The following NEDD4L variants were observed in gnomAD, a reference collection of about 807,000 sequenced individuals.
NEDD4L encodes NEDD4 like E3 ubiquitin protein ligase.
Under a neutral mutation model 148.9 loss-of-function variants are expected in NEDD4L, and 54 were observed. That is an observed-to-expected ratio of 0.36 (90% CI 0.29 to 0.45). The LOEUF (loss-of-function observed/expected upper bound fraction) is 0.45. Among genes scored for constraint, NEDD4L ranks in the 20% least tolerant of loss-of-function variants. The probability of loss-of-function intolerance (pLI) is 1.00; values close to 1 mark genes in which losing one functional copy is unlikely to be tolerated. For missense variants in NEDD4L, 856 were observed against 1,233.8 expected (o/e 0.69, Z 4.59); for synonymous variants, 433 against 440.7 (o/e 0.98, Z 0.22).
At chr18:58,252,121 T>G in intron 5 of NEDD4L, 67 bp downstream of exon 5, 1 of 999,902 alleles carries the variant, frequency 1.0e-6, no homozygotes, top group South Asian at 1.3e-5. Flanking sequence ...GAGCAGCGTC[T>G]TTAAAACTCT....
Position 58,366,666 on chromosome 18 carries a change from A to G in NEDD4L, c.2063+438A>G, listed in dbSNP as rs2046148333. The G allele has an allele frequency of 6.5e-6, 1 of 153,964 alleles. No homozygotes were observed. Among genetic ancestry groups the G allele is most frequent in the Admixed American group, 6.5e-5 (1 of 15,328 alleles). 9.5% of individuals were successfully genotyped at this position (153,964 alleles called of 1,614,324 possible). A position where few individuals can be genotyped will look rare whatever the true frequency, so the allele number is the denominator to read the frequency against. On this transcript the variant is annotated intron_variant, in intron 21 of 30. Transcript: ENST00000400345. The surrounding 1 kb of genome is among the most constrained non-coding windows in gnomAD (Gnocchi z 4.2). ...AGGACCATGCCCTGCTCCTGTAAGGAAAGAACCAGGTTTCCCCTTGCATTA... is the reference window on the plus strand; with the variant it reads ...AGGACCATGCCCTGCTCCTGTAAGGGAAGAACCAGGTTTCCCCTTGCATTA...
At chr18:58,267,948 C>T (rs1204004475) in intron 5 of NEDD4L, among the ~76,000 whole-genome samples, 2 of 152,020 alleles carry the variant, frequency 1.3e-5, no homozygotes, top group Non-Finnish European at 2.9e-5. Context: ...CTGCATGTTT[C>T]CCTCAGTTTT....
At chr18:58,383,845 T>G (rs1441979917) in intron 25 of NEDD4L, among the ~76,000 whole-genome samples, 1 of 152,174 alleles carries the variant, frequency 6.6e-6, no homozygotes, top group Non-Finnish European at 1.5e-5. Context: ...AAATGTTGAG[T>G]CTTTTTGGAA....
intron 2 of NEDD4L, among the ~76,000 whole-genome samples, chr18:58,192,084 T>G (rs2040183234): frequency 6.6e-6 from 1 of 152,122 alleles, no homozygotes; most frequent in Non-Finnish European, 1.5e-5. Context: ...GGTGGGAGAA[T>G]AGCTTGAATA....
chr18:58,117,346 G>A (rs559840), intron 1 of NEDD4L, among the ~76,000 whole-genome samples: 54,716 of 152,012 alleles, frequency 0.36, 10,186 homozygotes, highest in East Asian at 0.51. Context: ...TATCATATTC[G>A]AATTTGATTT....
chr18:58,110,728 C>A (rs565460033), intron 1 of NEDD4L, among the ~76,000 whole-genome samples: 1 of 152,322 alleles, frequency 6.6e-6, no homozygotes, highest in East Asian at 1.9e-4. Flanking sequence ...CTTCCTGACT[C>A]AAGTTTTTGT....
chr18:58,073,268 TGTAAG>T (rs2082984494), intron 1 of NEDD4L, among the ~76,000 whole-genome samples: 1 of 151,818 alleles, frequency 6.6e-6, no homozygotes, highest in Non-Finnish European at 1.5e-5. Flanking sequence ...CACATGGAAA[TGTAAG>T]GGACCCAGAA....
chr18:58,316,538 A>C (rs948599406), intron 6 of NEDD4L, among the ~76,000 whole-genome samples: 3 of 152,204 alleles, frequency 2.0e-5, no homozygotes, highest in Non-Finnish European at 2.9e-5. Flanking sequence ...GAGCCTGTTC[A>C]TTCTGAGTGA....
At chr18:58,131,158 A>G (rs1377218975) in intron 1 of NEDD4L, among the ~76,000 whole-genome samples, 4 of 137,668 alleles carry the variant, frequency 2.9e-5, no homozygotes, top group African/African-American at 1.1e-4. Flanking sequence ...GATCTAGCGG[A>G]ACTGTGGTAG....
At chr18:58,046,784 A>C (rs2144376031) in intron 1 of NEDD4L, 1 of 152,354 alleles carries the variant, frequency 6.6e-6, no homozygotes, top group East Asian at 1.9e-4. Context: ...GCAAGAGGTG[A>C]TGAAGACACC....
At chr18:58,259,358 G>A (rs1375157320) in intron 5 of NEDD4L, among the ~76,000 whole-genome samples, 1 of 152,174 alleles carries the variant, frequency 6.6e-6, no homozygotes, top group African/African-American at 2.4e-5. Flanking sequence ...TTTCAGAATT[G>A]TTAGAATTTA....
chr18:58,149,077 G>A lies in NEDD4L; in HGVS notation c.49-16711G>A, dbSNP rs117097251. On this transcript the variant is annotated intron_variant, in intron 1 of 30. Transcript: ENST00000400345. ...CTGTCTGATTACGTAAACTGAAAGT[G>A]GCAGAGAGGAAGCTTTTGCGTGGGG... Among the ~76,000 whole-genome samples the A allele has an allele frequency of 2.0e-5, 3 of 152,304 alleles. No homozygotes were observed. In the East Asian group the frequency reaches 5.8e-4, roughly 29 times the overall value.
chr18:58,385,955 C>T (rs1329351612), intron 26 of NEDD4L, among the ~76,000 whole-genome samples: 1 of 151,954 alleles, frequency 6.6e-6, no homozygotes, highest in Non-Finnish European at 1.5e-5. Context: ...CCAAGAAGCC[C>T]GAGGGCTCAG....
intron 1 of NEDD4L, chr18:58,149,456 T>C: frequency 6.5e-7 from 1 of 1,543,260 alleles, no homozygotes. Flanking sequence ...GACTTCCGCA[T>C]ACTCTTCAGA....
intron 2 of NEDD4L, among the ~76,000 whole-genome samples, chr18:58,188,466 C>CA (rs1385547113): frequency 6.6e-6 from 1 of 152,158 alleles, no homozygotes; most frequent in Non-Finnish European, 1.5e-5. Flanking sequence ...GACTGGGAAA[C>CA]AGAGTCTGGG....
rs544857482 is a variant in NEDD4L at position 58,133,443 on chromosome 18, A to C, written c.49-32345A>C. On this transcript the variant is annotated intron_variant, in intron 1 of 30. Transcript: ENST00000400345. ...GAAGAACGTAGAGAAACTTGTGCAT[A>C]GTTATTATGCCAGATTTAGCAGCTG... 5.3e-5 allele frequency among the ~76,000 whole-genome samples: 8 copies of C among 152,300 alleles called. No individual in the cohort carries two copies. The East Asian group carries it at 1.5e-3, about 29-fold the overall frequency.
Position 58,256,168 on chromosome 18 carries a change from C to A in NEDD4L, c.297+4114C>A. ...GCACGTGCGGCCGCCGCGTGCGGTG[C>A]TCCGGCCCCGTGGACTGCGCGGAGG... On this transcript the variant is annotated intron_variant, in intron 5 of 30. Transcript: ENST00000400345. This position sits in a 1 kb window ranked among gnomAD's most constrained non-coding sequence, Gnocchi z 5.2. 1 of 1,218,148 alleles carries A rather than the reference C, an allele frequency of 8.2e-7. No individual in the cohort carries two copies. The highest frequency in any genetic ancestry group is 1.0e-6 in the Non-Finnish European group (1 of 979,474). The allele number at this position is 1,218,148 out of a possible 1,614,324, so 75.5% of individuals were successfully genotyped here.
intron 5 of NEDD4L, among the ~76,000 whole-genome samples, chr18:58,274,894 T>C (rs1358154972): frequency 6.6e-6 from 1 of 152,220 alleles, no homozygotes; most frequent in East Asian, 1.9e-4. Flanking sequence ...TGAGTTTCTA[T>C]AATAATTTGA....
intron 1 of NEDD4L, among the ~76,000 whole-genome samples, chr18:58,132,808 T>C (rs990332784): frequency 6.6e-6 from 1 of 152,208 alleles, no homozygotes; most frequent in Non-Finnish European, 1.5e-5. Context: ...TTCATGACAA[T>C]ATTTTGTTTA....
Sources: gnomAD v4.1 joint callset for allele counts (sites outside exome capture counted in the v4.1 genomes callset) on GRCh38, gnomAD v4.1.1 for gene constraint, Gnocchi (gnomAD v3.1) non-coding constraint, MANE v1.5 for transcripts, NCBI Gene and HGNC (gene_info 2026-07-23, HGNC 2026-07-21) for gene names.